ZNF425: variants seen among roughly 807,000 people sequenced by gnomAD.
The protein encoded by ZNF425 is zinc finger protein 425.
Under a neutral mutation model 17.0 loss-of-function variants are expected in ZNF425, and 21 were observed. The observed-to-expected ratio is 1.23, with a 90% CI of 0.88 to 1.78. The LOEUF (loss-of-function observed/expected upper bound fraction) is 1.78, where lower values mean the gene tolerates loss of function less well. Ranked by LOEUF, ZNF425 falls within the 40% of genes most tolerant of loss-of-function variation. The pLI is 0.00. For missense variants in ZNF425, 868 were observed against 967.3 expected, an observed-to-expected ratio of 0.90 and a Z score of 1.36; for synonymous variants, 433 against 384.1, an observed-to-expected ratio of 1.13 and a Z score of -1.49.
intron 3 of ZNF425, 69 bp downstream of exon 3, chr7:149,112,068 A>G (rs1199713743): frequency 4.0e-6 from 6 of 1,513,528 alleles, no homozygotes; most frequent in Non-Finnish European, 5.4e-6. Flanking sequence ...CAGATATCCA[A>G]AAAGAAAGAT....
At chr7:149,112,966 C>T (rs536369431) in intron 2 of ZNF425, among the ~76,000 whole-genome samples, 4 of 147,776 alleles carry the variant, frequency 2.7e-5, no homozygotes, top group South Asian at 2.1e-4. Flanking sequence ...CGCCCAGCCC[C>T]GTGACCCTTT....
At chr7:149,118,415 A>G (rs1826302106) in intron 1 of ZNF425, 67 bp from the exon 2 acceptor site, 1 of 1,554,396 alleles carries the variant, frequency 6.4e-7, no homozygotes, top group Admixed American at 1.7e-5. Flanking sequence ...AATGTCCATT[A>G]CTTTATTGAG....
chr7:149,123,556 G>A (rs565192391), intron 1 of ZNF425, among the ~76,000 whole-genome samples: 58 of 152,212 alleles, frequency 3.8e-4, no homozygotes, highest in Non-Finnish European at 6.6e-4. Flanking sequence ...TTATTGAGGC[G>A]GAGTCTCGCT....
Position 149,105,957 on chromosome 7 carries a change from CT to C in ZNF425, c.305-392del, listed in dbSNP as rs35777509. Among the ~76,000 whole-genome samples, 39 of 119,368 alleles carry C rather than the reference CT, an allele frequency of 3.3e-4. 1 individual carries two copies. Among genetic ancestry groups the C allele is most frequent in the African/African-American group, 8.2e-4 (24 of 29,314 alleles). The allele number at this position is 119,368 out of a possible 152,430, so 78.3% of individuals were successfully genotyped here. On this transcript the variant is annotated intron_variant, in intron 3 of 3. Coordinates refer to ENST00000378061, the MANE Select transcript of ZNF425 (RefSeq NM_001001661.3). ...GCCTTTTTTAAAAAAAATTTTTTTC[CT>C]TTTTTTTTTTTTTTTGAGACGGAGT...
chr7:149,104,360 T>C lies in ZNF425; in HGVS notation c.1511A>G (p.Lys504Arg), dbSNP rs760246715. ...RQKEFPCGEC[K>R]KTFSQQSRLT... ...CCGCGACTGCTGAGAAAAGGTCTTT[T>C]TGCACTCGCCGCAGGGAAACTCCTT... The change falls in exon 4 of 4, where the codon AAA becomes AGA. Residue 504 changes from lysine (K) to arginine (R), a missense_variant. Lys to Arg is a conservative substitution (Grantham distance 26). Around this residue, in one of 5 missense-constraint regions of ZNF425, gnomAD observed 437 missense variants for 444.2 expected, o/e 0.98. Transcript: ENST00000378061. This position sits in a 1 kb window ranked among gnomAD's most constrained non-coding sequence, Gnocchi z 4.3. 3 of 1,612,424 alleles carry C rather than the reference T, an allele frequency of 1.9e-6. No individual in the cohort carries two copies. The South Asian group carries it at 3.3e-5, about 18-fold the overall frequency.
At position 149,112,191 on chromosome 7, in the gene ZNF425, G is replaced by A. The variant is rs1826186586; in HGVS notation, c.250C>T (p.Pro84Ser). 1 of 1,614,010 alleles carries A rather than the reference G, an allele frequency of 6.2e-7. No individual in the cohort carries two copies. The highest frequency in any genetic ancestry group is 1.1e-5 in the South Asian group (1 of 91,078). Residue 84 changes from proline to serine, a missense_variant, in exon 3 of 4, where the codon CCT becomes TCT. Pro to Ser is a moderately conservative substitution (Grantham distance 74, BLOSUM62 -1). This residue lies in a region of ZNF425 where 179 missense variants were observed against 216.3 expected (regional missense o/e 0.83). Transcript: ENST00000378061. ...CLDKTRRTTSPPTDEQLNMKN... is the reference protein window; with the variant it reads ...CLDKTRRTTSSPTDEQLNMKN... The stretch of plus-strand genomic sequence containing the variant: ...ATGTTCAACTGTTCATCAGTAGGAG[G>A]GCTAGTTGTCCTTCTTGTTTTATCT...
At chr7:149,118,079 G>A in intron 2 of ZNF425, 143 bp downstream of exon 2, 1 of 849,512 alleles carries the variant, frequency 1.2e-6, no homozygotes, top group Non-Finnish European at 1.9e-6. Context: ...ATATTCCCAG[G>A]CCATTATAGG....
intron 1 of ZNF425, among the ~76,000 whole-genome samples, chr7:149,124,380 C>T (rs533469322): frequency 1.3e-5 from 2 of 152,066 alleles, no homozygotes; most frequent in South Asian, 2.1e-4. Flanking sequence ...TGGTCTCGAT[C>T]TCCTGACCTC....
intron 2 of ZNF425, among the ~76,000 whole-genome samples, chr7:149,116,886 A>G (rs1458316140): frequency 6.6e-6 from 1 of 152,004 alleles, no homozygotes; most frequent in Non-Finnish European, 1.5e-5. Flanking sequence ...CCTATCTCAC[A>G]CAATAAAATA....
At chr7:149,119,612 G>A (rs1028763200) in intron 1 of ZNF425, among the ~76,000 whole-genome samples, 2 of 151,898 alleles carry the variant, frequency 1.3e-5, no homozygotes, top group East Asian at 1.9e-4. Context: ...CCATAAATTC[G>A]ACCAACCTTA....
rs775977762 is a variant in ZNF425, at chr7:149,104,511, T to C, written c.1360A>G (p.Arg454Gly). Residue 454 changes from arginine to glycine, a missense_variant, in exon 4 of 4, where the codon AGG becomes GGG. Physicochemically the swap from Arg to Gly is moderately radical, Grantham distance 125 (BLOSUM62 -2). Coordinates refer to ENST00000378061, the MANE Select transcript of ZNF425 (RefSeq NM_001001661.3). The surrounding 1 kb of genome is among the most constrained non-coding windows in gnomAD (Gnocchi z 4.3). ...CGCTGGTGGGCGCGCATGGCGTTCC[T>C]CCAGAAGAAGCCCCTGCTGCACTCC... ...CPECSRGFFW[R>G]NAMRAHQRLH... is the part of the protein sequence containing the mutation. 3 of 1,601,252 alleles carry C rather than the reference T, an allele frequency of 1.9e-6. No homozygotes were observed. The highest frequency in any genetic ancestry group is 2.2e-5 in the East Asian group (1 of 44,752).
chr7:149,119,247 G>T (rs1334650924), intron 1 of ZNF425, among the ~76,000 whole-genome samples: 5 of 151,984 alleles, frequency 3.3e-5, no homozygotes, highest in Non-Finnish European at 7.4e-5. Flanking sequence ...AAGTAGCTGG[G>T]ATTACGGGGT....
chr7:149,103,428 G>A lies in ZNF425; in HGVS notation c.*184C>T. 1 of 691,004 alleles carries A rather than the reference G, an allele frequency of 1.4e-6. No homozygotes were observed. Among genetic ancestry groups the A allele is most frequent in the Non-Finnish European group, 2.3e-6 (1 of 427,704 alleles). 42.8% of individuals were successfully genotyped at this position (691,004 alleles called of 1,614,324 possible). A position where few individuals can be genotyped will look rare whatever the true frequency, so the allele number is the denominator to read the frequency against. On this transcript the variant is annotated 3_prime_UTR_variant, in exon 4 of 4. Coordinates refer to ENST00000378061, the MANE Select transcript of ZNF425 (RefSeq NM_001001661.3). Reference sequence around the variant, plus strand: ...AGATGGAGTCTTGCAATGTTGCCTAGGCTGGTCTCAAACTTCTGGGCTCAA... The same window carrying A: ...AGATGGAGTCTTGCAATGTTGCCTAAGCTGGTCTCAAACTTCTGGGCTCAA...
chr7:149,114,359 A>G (rs1585487178), intron 2 of ZNF425, among the ~76,000 whole-genome samples: 1 of 143,080 alleles, frequency 7.0e-6, no homozygotes, highest in Non-Finnish European at 1.5e-5. Flanking sequence ...GGCGTGAGCC[A>G]CTGCGCCCAG....
chr7:149,114,783 TAAAA>T (rs75085279), intron 2 of ZNF425, among the ~76,000 whole-genome samples: 2 of 114,790 alleles, frequency 1.7e-5, no homozygotes, highest in Non-Finnish European at 3.8e-5. Flanking sequence ...ACACTGTGAG[TAAAA>T]AAAAAAAAAA....
At chr7:149,120,381 C>CA (rs1245055948) in intron 1 of ZNF425, among the ~76,000 whole-genome samples, 1 of 151,866 alleles carries the variant, frequency 6.6e-6, no homozygotes, top group Non-Finnish European at 1.5e-5. Flanking sequence ...GACTCTGTCT[C>CA]AAAAAAACAA....
Position 149,123,848 on chromosome 7 carries a change from T to C in ZNF425, c.18+2348A>G, listed in dbSNP as rs1420047922. On this transcript the variant is annotated intron_variant, in intron 1 of 3. Coordinates refer to ENST00000378061, the MANE Select transcript of ZNF425 (RefSeq NM_001001661.3). ...CGCCCGGACTTGCTTTTTCTTTTTT[T>C]TTTTTTTTTTCCTTTTTGAGACGGA... is the stretch of plus-strand genomic sequence containing the variant. Among the ~76,000 whole-genome samples, 185 of 147,532 alleles carry C rather than the reference T, an allele frequency of 1.3e-3. 2 individuals are homozygous for C. The highest frequency in any genetic ancestry group is 4.2e-3 in the African/African-American group (161 of 38,342).
In ZNF425 at chr7:149,103,895, A is replaced by C; in HGVS notation, c.1976T>G (p.Val659Gly). Residue 659 changes from valine (V) to glycine (G), a missense_variant, in exon 4 of 4, where the codon GTC (valine) becomes GGC (glycine). By Grantham distance (109) the Val-to-Gly change is moderately radical (BLOSUM62 -3). This residue lies in a region of ZNF425 where 437 missense variants were observed against 444.2 expected (regional missense o/e 0.98). Coordinates refer to ENST00000378061, the MANE Select transcript of ZNF425 (RefSeq NM_001001661.3). ...CTGGAAGGGCTTCTCCCCGCTGTGG[A>C]CTCGAATGTGTTCTGTGAGCCGGTA... The part of the protein sequence containing the change: ...QQYRLTEHIR[V>G]HSGEKPFQCP... 1 of 1,613,750 alleles carries C rather than the reference A, an allele frequency of 6.2e-7. No homozygotes were observed. The highest frequency in any genetic ancestry group is 2.2e-5 in the East Asian group (1 of 44,844).
In ZNF425 at chr7:149,102,806, A is replaced by G. The variant is rs1213173918; in HGVS notation, c.*806T>C. On this transcript the variant is annotated 3_prime_UTR_variant, in exon 4 of 4. Transcript: ENST00000378061. The stretch of plus-strand genomic sequence containing the variant: ...TCATTTTAACAAATGAGATAGTGGA[A>G]GACATTTATTTTTAGCAATATGGAA... 1 of 152,234 alleles carries G rather than the reference A, an allele frequency of 6.6e-6. No homozygotes were observed. The highest frequency in any genetic ancestry group is 1.5e-5 in the Non-Finnish European group (1 of 68,044). The allele number at this position is 152,234 out of a possible 1,614,324, so 9.4% of individuals were successfully genotyped here.
Sources: allele counts gnomAD v4.1 joint callset (sites outside exome capture counted in the v4.1 genomes callset), GRCh38; gene constraint gnomAD v4.1.1; regional missense constraint gnomAD v4.1.1; non-coding constraint Gnocchi (gnomAD v3.1); transcripts MANE v1.5; gene names NCBI Gene and HGNC (gene_info 2026-07-23, HGNC 2026-07-21).